Variants in DDX11 observed in about 807,000 individuals in gnomAD.
DDX11 encodes DEAD/H-box helicase 11.
Under a neutral mutation model 125.2 loss-of-function variants are expected in DDX11, and 72 were observed. The observed-to-expected ratio is 0.58, with a 90% CI of 0.48 to 0.70. DDX11 has a LOEUF of 0.70. Among genes scored for constraint, DDX11 ranks in the 30% least tolerant of loss-of-function variants. The pLI is 0.00. For missense variants in DDX11, 883 were observed against 1,165.0 expected (o/e 0.76, Z 3.52); for synonymous variants, 347 against 452.6 (o/e 0.77, Z 2.96).
rs1211035552 is a variant in DDX11 at position 31,102,478 on chromosome 12, G to A, written c.2323G>A (p.Val775Ile). The A allele has an allele frequency of 3.1e-6, 5 of 1,614,086 alleles. No individual in the cohort carries two copies. The highest frequency in any genetic ancestry group is 4.2e-6 in the Non-Finnish European group (5 of 1,179,934). The change falls in exon 23 of 27, where the codon GTT (valine) becomes ATT (isoleucine). Residue 775 changes from valine to isoleucine, a missense_variant. Val to Ile is a conservative substitution (Grantham distance 29). This residue lies in a region of DDX11 where 285 missense variants were observed against 346.0 expected (regional missense o/e 0.82). Transcript: ENST00000542838. ...GACAGGGGCCCTGCTCCTCTCTGTG[G>A]TTGGAGGAAAGATGAGTGAAGGGAT... Reference protein sequence around the residue: ...QVTGALLLSVVGGKMSEGINF... With the variant: ...QVTGALLLSVIGGKMSEGINF...
intron 18 of DDX11, among the ~76,000 whole-genome samples, chr12:31,099,342 G>A (rs1420470755): frequency 2.6e-5 from 4 of 151,970 alleles, no homozygotes; most frequent in African/African-American, 7.3e-5. Context: ...GCATCCCAAA[G>A]AGCTGGGATT....
rs778947297 is a variant in DDX11 at position 31,089,507 on chromosome 12, T to C, written c.880+17T>C. Reference sequence around the variant, plus strand: ...GCAGGCACGGTAGCCACTGGGACCATGGTGTAGCCGCAGGTGGTCTGGAGA... The same window carrying C: ...GCAGGCACGGTAGCCACTGGGACCACGGTGTAGCCGCAGGTGGTCTGGAGA... On this transcript the variant is annotated intron_variant, in intron 8 of 26. Transcript: ENST00000542838. The C allele has an allele frequency of 2.4e-5, 39 of 1,606,974 alleles. No individual in the cohort carries two copies. The highest frequency in any genetic ancestry group is 3.2e-5 in the Non-Finnish European group (38 of 1,173,886).
chr12:31,092,311 G>A (rs1422547405), intron 10 of DDX11, among the ~76,000 whole-genome samples: 1 of 152,150 alleles, frequency 6.6e-6, no homozygotes, highest in Non-Finnish European at 1.5e-5. Context: ...TCTTCACGCT[G>A]ACTCTGCCAT....
At chr12:31,096,507 A>G in intron 15 of DDX11, 128 bp downstream of exon 15, 1 of 1,594,994 alleles carries the variant, frequency 6.3e-7, no homozygotes, top group Non-Finnish European at 8.6e-7. Flanking sequence ...TCCTTGGTGC[A>G]GTGGGCCTTG....
At chr12:31,078,356 G>A in intron 1 of DDX11, 34 bp from the exon 2 acceptor site, 1 of 1,598,174 alleles carries the variant, frequency 6.3e-7, no homozygotes, top group Non-Finnish European at 8.5e-7. Context: ...TGGACCATGA[G>A]AGAGCTCCCT....
At chr12:31,100,484 T>C (rs1946172543) in intron 18 of DDX11, 151 bp from the exon 19 acceptor site, 2 of 639,650 alleles carry the variant, frequency 3.1e-6, no homozygotes, top group East Asian at 2.8e-5. Flanking sequence ...CAGTCACCAT[T>C]TTTCTTTTTG....
intron 3 of DDX11, 113 bp from the exon 4 acceptor site, chr12:31,084,470 G>A: frequency 1.0e-6 from 1 of 959,390 alleles, no homozygotes; most frequent in Non-Finnish European, 1.6e-6. Flanking sequence ...TGCTGGCCGG[G>A]GAAGGAGAGA....
chr12:31,102,071 G>A (rs1946480484), intron 21 of DDX11, 89 bp downstream of exon 21: 1 of 1,542,160 alleles, frequency 6.5e-7, no homozygotes, highest in Non-Finnish European at 8.8e-7. Context: ...GTCAGGACAG[G>A]CTTCTGGCTC....
intron 14 of DDX11, among the ~76,000 whole-genome samples, chr12:31,096,008 A>G (rs1322333305): frequency 8.4e-6 from 1 of 118,984 alleles, no homozygotes; most frequent in Non-Finnish European, 1.7e-5. Context: ...GGCTTTGCTC[A>G]TAGAAGTTCC....
At chr12:31,087,085 T>A (rs1340747667) in intron 5 of DDX11, among the ~76,000 whole-genome samples, 1 of 149,906 alleles carries the variant, frequency 6.7e-6, no homozygotes, top group Non-Finnish European at 1.5e-5. Flanking sequence ...GAGCATAGAC[T>A]AGTAGAGCTA....
At chr12:31,093,911 C>T (rs2140865955) in intron 12 of DDX11, among the ~76,000 whole-genome samples, 1 of 147,668 alleles carries the variant, frequency 6.8e-6, no homozygotes, top group Non-Finnish European at 1.5e-5. Flanking sequence ...CACATAGACA[C>T]ACGGTGTTTC....
intron 17 of DDX11, among the ~76,000 whole-genome samples, chr12:31,097,453 G>T (rs188646475): frequency 5.3e-5 from 8 of 150,596 alleles, no homozygotes; most frequent in African/African-American, 1.2e-4. Context: ...GCTGAGGGGG[G>T]GCGGATCGTG....
At chr12:31,098,069 A>T in intron 18 of DDX11, 72 bp downstream of exon 18, 1 of 1,305,960 alleles carries the variant, frequency 7.7e-7, no homozygotes, top group African/African-American at 1.5e-5. Flanking sequence ...GAGATGCATT[A>T]TCAGTCCTGT....
rs7953706 is a variant in DDX11 at position 31,073,901 on chromosome 12, T to A, written c.-195T>A. On this transcript the variant is annotated 5_prime_UTR_variant, in exon 1 of 27. Transcript: ENST00000542838. ...TTCACTGAGGGGACCCGCCAGTTTC[T>A]AACTCAGTGGCGTTTGCCCTGATTC... 0.53 allele frequency: 81,007 copies of A among 152,182 alleles called. 22,686 individuals are homozygous for A. Among genetic ancestry groups the A allele is most frequent in the East Asian group, 0.82 (4,224 of 5,176 alleles). The allele number at this position is 152,182 out of a possible 1,614,324, so 9.4% of individuals were successfully genotyped here. A position where few individuals can be genotyped will look rare whatever the true frequency, so the allele number is the denominator to read the frequency against.
In DDX11 at chr12:31,103,653, G is replaced by A. The variant is rs372918903; in HGVS notation, c.2613G>A (p.Leu871=). Residue 871 remains leucine (L), a synonymous_variant, in exon 26 of 27, where the codon CTG becomes CTA. Transcript: ENST00000542838. ...AGCGATATGCCCGGCCCCCTGTCCT[G>A]GCCAAGCTGCCGGCCTGGATCCGAG... ...LDQRYARPPV[L]AKLPAWIRAR... The A allele has an allele frequency of 5.0e-6, 8 of 1,613,974 alleles. No homozygotes were observed. Among genetic ancestry groups the A allele is most frequent in the East Asian group, 2.2e-5 (1 of 44,892 alleles).
intron 9 of DDX11, among the ~76,000 whole-genome samples, chr12:31,090,833 G>A (rs1319150175): frequency 6.6e-6 from 1 of 152,214 alleles, no homozygotes; most frequent in Non-Finnish European, 1.5e-5. Flanking sequence ...CAGCATACCT[G>A]CTGAGCTGTG....
At chr12:31,089,292 G>C (rs545398341) in intron 7 of DDX11, 111 bp from the exon 8 acceptor site, 3 of 1,403,188 alleles carry the variant, frequency 2.1e-6, no homozygotes, top group East Asian at 4.7e-5. Flanking sequence ...TGACCTGGCC[G>C]GCCCAGCACT....
At chr12:31,078,849 G>A (rs574034865) in intron 2 of DDX11, among the ~76,000 whole-genome samples, 20 of 152,098 alleles carry the variant, frequency 1.3e-4, no homozygotes, top group African/African-American at 4.1e-4. Context: ...CGCCACGCCC[G>A]GCTAATTTTT....
rs149612726 is a variant in DDX11 at position 31,103,125 on chromosome 12, G to A, written c.2457+105G>A. On this transcript the variant is annotated intron_variant, in intron 24 of 26. Coordinates refer to ENST00000542838, the MANE Select transcript of DDX11 (RefSeq NM_030653.4). ...GCCAGGCCTTCCCCGCTGCGCTGGC[G>A]TCTCCTGCCCCCTCCGGAAGCTTGG... is the stretch of plus-strand genomic sequence containing the variant. The A allele has an allele frequency of 9.7e-3, 13,918 of 1,438,536 alleles. 97 individuals are homozygous for A. The highest frequency in any genetic ancestry group is 0.011 in the Non-Finnish European group (11,424 of 1,033,648). The allele number at this position is 1,438,536 out of a possible 1,614,324, so 89.1% of individuals were successfully genotyped here.
Sources: allele counts gnomAD v4.1 joint callset (sites outside exome capture counted in the v4.1 genomes callset), GRCh38; gene constraint gnomAD v4.1.1; regional missense constraint gnomAD v4.1.1; transcripts MANE v1.5; gene names NCBI Gene and HGNC (gene_info 2026-07-23, HGNC 2026-07-21).